ZCCHC14: variants seen among roughly 807,000 people sequenced by gnomAD.
ZCCHC14 encodes zinc finger CCHC domain-containing protein 14.
ZCCHC14 carries 16 observed loss-of-function variants against 85.0 expected under a neutral mutation model. That is an observed-to-expected ratio of 0.19 (90% CI 0.13 to 0.29). ZCCHC14 has a LOEUF of 0.29. ZCCHC14 is among the 10% of genes least tolerant of loss of function. The pLI, the probability that ZCCHC14 is intolerant of heterozygous loss-of-function variation, is 1.00. For synonymous variants in ZCCHC14, 775 were observed against 630.7 expected (o/e 1.23, Z -3.43); for missense variants, 1,303 against 1,443.5 (o/e 0.90, Z 1.58).
At position 87,420,854 on chromosome 16, in the gene ZCCHC14, A is replaced by G; in HGVS notation, c.841-138T>C. 1.6e-6 allele frequency: 1 copy of G among 625,362 alleles called. No individual in the cohort carries two copies. The highest frequency in any genetic ancestry group is 2.7e-6 in the Non-Finnish European group (1 of 368,210). The allele number at this position is 625,362 out of a possible 1,614,324, so 38.7% of individuals were successfully genotyped here. A position where few individuals can be genotyped will look rare whatever the true frequency, so the allele number is the denominator to read the frequency against. On this transcript the variant is annotated intron_variant, in intron 4 of 12. Transcript: ENST00000671377. The surrounding 1 kb of genome is among the most constrained non-coding windows in gnomAD (Gnocchi z 5.0). ...TGATATGATTTACACCTCCCGTCAG[A>G]GCTATTCTGGGGCCCACATCCACTT... is the stretch of plus-strand genomic sequence containing the variant.
chr16:87,433,174 C>A lies in ZCCHC14; in HGVS notation c.722G>T (p.Gly241Val). ...TCTGTCATTTTTTGTGTGTGATAAT[C>A]CCTTCAGGTCTATCTTTTCAACACT... ...KVSVEKIDLK[G>V]LSHTKNDRNV... The change falls in exon 3 of 13, where the codon GGA becomes GTA. Residue 241 changes from glycine to valine, a missense_variant. Around this residue, in one of 7 missense-constraint regions of ZCCHC14, gnomAD observed 389 missense variants for 397.8 expected, o/e 0.98. Transcript: ENST00000671377. The A allele has an allele frequency of 6.2e-7, 1 of 1,614,126 alleles. No individual in the cohort carries two copies. The highest frequency in any genetic ancestry group is 8.5e-7 in the Non-Finnish European group (1 of 1,180,018).
At chr16:87,457,096 C>T (rs577763157) in intron 2 of ZCCHC14, among the ~76,000 whole-genome samples, 3 of 152,192 alleles carry the variant, frequency 2.0e-5, no homozygotes, top group African/African-American at 4.8e-5. Flanking sequence ...GCCACACCCA[C>T]GAGGGGCAGG....
chr16:87,422,528 C>T (rs1360429569), intron 4 of ZCCHC14, among the ~76,000 whole-genome samples: 1 of 150,948 alleles, frequency 6.6e-6, no homozygotes, highest in Non-Finnish European at 1.5e-5. Context: ...AGTTCAAGAG[C>T]AGCCTGGCCA....
Position 87,491,837 on chromosome 16 carries a change from C to G in ZCCHC14, c.402G>C (p.Leu134=). The change falls in exon 1 of 13, where the codon CTG becomes CTC. Residue 134 remains leucine (L), a synonymous_variant. Transcript: ENST00000671377. The surrounding 1 kb of genome is among the most constrained non-coding windows in gnomAD (Gnocchi z 5.9). ...GGTGGTTGGAGGCCATGGTGAACAG[C>G]AGCAGGAACTCATCGCCCGTGCGGC... The part of the protein sequence containing the change: ...NEGRTGDEFL[L]LFTMASNHPA... The G allele has an allele frequency of 6.3e-7, 1 of 1,579,094 alleles. No individual in the cohort carries two copies. The highest frequency in any genetic ancestry group is 8.6e-7 in the Non-Finnish European group (1 of 1,167,816).
intron 10 of ZCCHC14, 138 bp downstream of exon 10, chr16:87,414,276 C>T: frequency 1.5e-6 from 2 of 1,344,128 alleles, no homozygotes; most frequent in Non-Finnish European, 2.1e-6. Context: ...ACCTGCCCGG[C>T]ACACGGGCCC....
chr16:87,463,490 G>A (rs776531881), intron 1 of ZCCHC14, among the ~76,000 whole-genome samples: 8 of 152,194 alleles, frequency 5.3e-5, no homozygotes, highest in Non-Finnish European at 7.3e-5. Flanking sequence ...CTGGTTCTAA[G>A]AAGAGAAAGT....
At chr16:87,434,870 A>G (rs1000299120) in intron 2 of ZCCHC14, among the ~76,000 whole-genome samples, 1 of 151,924 alleles carries the variant, frequency 6.6e-6, no homozygotes, top group African/African-American at 2.4e-5. Context: ...GGACACCTGT[A>G]ATCCCAGCTA....
At chr16:87,469,483 A>C (rs1911681619) in intron 1 of ZCCHC14, among the ~76,000 whole-genome samples, 1 of 152,142 alleles carries the variant, frequency 6.6e-6, no homozygotes, top group Non-Finnish European at 1.5e-5. Context: ...AGCGGTCAGG[A>C]GCCGTCTCGG....
intron 1 of ZCCHC14, among the ~76,000 whole-genome samples, chr16:87,463,682 G>T (rs1229442584): frequency 1.3e-5 from 2 of 152,158 alleles, no homozygotes; most frequent in Non-Finnish European, 2.9e-5. Context: ...AACTTGCCAG[G>T]TGTGGTGGCG....
At chr16:87,410,379 A>T (rs748125128) in intron 12 of ZCCHC14, 44 bp from the exon 13 acceptor site, 7 of 756,384 alleles carry the variant, frequency 9.3e-6, no homozygotes, top group South Asian at 8.6e-5. Flanking sequence ...ATGACTGTAG[A>T]ATCACCACCA....
Position 87,407,857 on chromosome 16 carries a change from T to A in ZCCHC14, c.*2423A>T, listed in dbSNP as rs974931554. 6.6e-6 allele frequency: 1 copy of A among 152,668 alleles called. No individual in the cohort carries two copies. Among genetic ancestry groups the A allele is most frequent in the African/African-American group, 2.4e-5 (1 of 41,460 alleles). The allele number at this position is 152,668 out of a possible 1,614,324, so 9.5% of individuals were successfully genotyped here. A position where few individuals can be genotyped will look rare whatever the true frequency, so the allele number is the denominator to read the frequency against. ...ATCCGAGCTCGCTGCTGGCAAACTC[T>A]CAAGTCCAAGTGTGCGGCTCCCTCC... is the stretch of plus-strand genomic sequence containing the variant. On this transcript the variant is annotated 3_prime_UTR_variant, in exon 13 of 13. Coordinates refer to ENST00000671377, the MANE Select transcript of ZCCHC14 (RefSeq NM_015144.3).
intron 1 of ZCCHC14, among the ~76,000 whole-genome samples, chr16:87,475,160 T>C (rs1033649330): frequency 3.3e-5 from 5 of 152,194 alleles, no homozygotes; most frequent in African/African-American, 9.7e-5. Context: ...CAGGACTCAG[T>C]AGCCCTTACA....
chr16:87,485,239 T>G (rs1326140509), intron 1 of ZCCHC14, among the ~76,000 whole-genome samples: 1 of 152,190 alleles, frequency 6.6e-6, no homozygotes, highest in Non-Finnish European at 1.5e-5. Context: ...GAGCAATTAT[T>G]TGAAAGATAC....
rs148800232 is a variant in ZCCHC14, at chr16:87,492,852, G to C, written c.-614C>G. On this transcript the variant is annotated 5_prime_UTR_variant, in exon 1 of 13. Coordinates refer to ENST00000671377, the MANE Select transcript of ZCCHC14 (RefSeq NM_015144.3). This position sits in a 1 kb window ranked among gnomAD's most constrained non-coding sequence, Gnocchi z 6.7. Reference sequence around the variant, plus strand: ...CGCGGCGGGAGGCGCGGAGGGATCCGGCCGGGACTTGCCGGCCTTGCTGCT... The same window carrying C: ...CGCGGCGGGAGGCGCGGAGGGATCCCGCCGGGACTTGCCGGCCTTGCTGCT... 1.4e-5 allele frequency among the ~76,000 whole-genome samples: 2 copies of C among 147,910 alleles called. No individual in the cohort carries two copies. Among genetic ancestry groups the C allele is most frequent in the African/African-American group, 4.9e-5 (2 of 40,894 alleles).
chr16:87,436,327 G>T (rs560071495), intron 2 of ZCCHC14, among the ~76,000 whole-genome samples: 2 of 152,234 alleles, frequency 1.3e-5, no homozygotes, highest in Non-Finnish European at 2.9e-5. Context: ...GCGGCCCCCC[G>T]CCAGGGCACC....
chr16:87,455,284 G>GGCCCCGT (rs1910899620), intron 2 of ZCCHC14, among the ~76,000 whole-genome samples: 1 of 151,002 alleles, frequency 6.6e-6, no homozygotes, highest in Non-Finnish European at 1.5e-5. Flanking sequence ...GTGAAACTCC[G>GGCCCCGT]TCCCCCCCCG....
chr16:87,433,100 G>C (rs774981564), intron 3 of ZCCHC14, 28 bp downstream of exon 3: 3 of 1,609,300 alleles, frequency 1.9e-6, no homozygotes, highest in South Asian at 1.1e-5. Context: ...CCTTCCAGGA[G>C]AGAGGGGAAA....
At chr16:87,446,808 C>T (rs987893303) in intron 2 of ZCCHC14, among the ~76,000 whole-genome samples, 32 of 151,956 alleles carry the variant, frequency 2.1e-4, no homozygotes, top group Non-Finnish European at 2.8e-4. Flanking sequence ...CTCAGCCTCC[C>T]GAGTCGCTGG....
rs1475707396 is a variant in ZCCHC14, at chr16:87,492,992, C to T, written c.-754G>A. Among the ~76,000 whole-genome samples the T allele has an allele frequency of 3.3e-5, 5 of 151,824 alleles. No individual in the cohort carries two copies. The highest frequency in any genetic ancestry group is 3.9e-4 in the East Asian group (2 of 5,132). On this transcript the variant is annotated 5_prime_UTR_variant, in exon 1 of 13. Coordinates refer to ENST00000671377, the MANE Select transcript of ZCCHC14 (RefSeq NM_015144.3). This position sits in a 1 kb window ranked among gnomAD's most constrained non-coding sequence, Gnocchi z 6.7. ...CGAGGAGCGGAGGGATCGTCGCGCT[C>T]GCGGCTGACGGGCGGCCGGGATCAG...
Sources: allele counts gnomAD v4.1 joint callset (sites outside exome capture counted in the v4.1 genomes callset), GRCh38; gene constraint gnomAD v4.1.1; regional missense constraint gnomAD v4.1.1; non-coding constraint Gnocchi (gnomAD v3.1); transcripts MANE v1.5; gene names NCBI Gene and HGNC (gene_info 2026-07-23, HGNC 2026-07-21).